MYO5A: variants seen among roughly 807,000 people sequenced by gnomAD.
The protein encoded by MYO5A is unconventional myosin-Va.
Under a neutral mutation model 249.7 loss-of-function variants are expected in MYO5A, and 98 were observed. That is an observed-to-expected ratio of 0.39 (90% CI 0.33 to 0.46). The LOEUF is 0.46. Ranked by LOEUF, MYO5A falls within the 20% of genes least tolerant of loss-of-function variation. The probability of loss-of-function intolerance (pLI) is 0.98; values close to 1 mark genes in which losing one functional copy is unlikely to be tolerated. For synonymous variants in MYO5A, 778 were observed against 810.6 expected (o/e 0.96, Z 0.68); for missense variants, 1,696 against 2,308.8 (o/e 0.73, Z 5.44).
intron 11 of MYO5A, among the ~76,000 whole-genome samples, chr15:52,394,195 A>G (rs540684602): frequency 2.0e-5 from 3 of 152,294 alleles, no homozygotes; most frequent in Non-Finnish European, 4.4e-5. Flanking sequence ...CAATCAAGTT[A>G]TTTATACTGT....
chr15:52,452,540 C>T (rs2076040591), intron 1 of MYO5A, among the ~76,000 whole-genome samples: 1 of 152,174 alleles, frequency 6.6e-6, no homozygotes, highest in Admixed American at 6.5e-5. Flanking sequence ...CTCTTAAACT[C>T]AGAGGAGACT....
chr15:52,390,991 T>C (rs772697708), intron 12 of MYO5A, among the ~76,000 whole-genome samples: 2 of 152,208 alleles, frequency 1.3e-5, no homozygotes, highest in Non-Finnish European at 2.9e-5. Context: ...ATTTTTTTGT[T>C]ATTACTATGA....
intron 34 of MYO5A, among the ~76,000 whole-genome samples, chr15:52,334,265 A>C (rs1596305628): frequency 6.6e-6 from 1 of 152,344 alleles, no homozygotes. Flanking sequence ...AAATTTACTA[A>C]AGTATGGCAA....
chr15:52,364,797 ATTTTAC>A, intron 23 of MYO5A, 95 bp from the exon 24 acceptor site: 1 of 1,457,814 alleles, frequency 6.9e-7, no homozygotes, highest in South Asian at 1.2e-5. Context: ...TCTGTAGGCA[ATTTTAC>A]TTTTAGTATC....
chr15:52,526,321 C>G (rs1380147238), intron 1 of MYO5A, among the ~76,000 whole-genome samples: 1 of 152,158 alleles, frequency 6.6e-6, no homozygotes, highest in African/African-American at 2.4e-5. Flanking sequence ...CCTCAGCTCT[C>G]GAGTAGCTGG....
Position 52,313,491 on chromosome 15 carries a change from C to T in MYO5A, c.*205G>A, listed in dbSNP as rs1373645922. On this transcript the variant is annotated 3_prime_UTR_variant, in exon 42 of 42. Transcript: ENST00000399233. ...CCTAGTTGGTTAAGGATGAGTGTTG[C>T]TATAAAGATAACACAGCACGAAAGA... 1.3e-5 allele frequency: 8 copies of T among 636,100 alleles called. No homozygotes were observed. Among genetic ancestry groups the T allele is most frequent in the African/African-American group, 3.7e-5 (2 of 54,536 alleles). 39.4% of individuals were successfully genotyped at this position (636,100 alleles called of 1,614,324 possible).
Position 52,383,025 on chromosome 15 carries a change from G to T in MYO5A, c.2012+66C>A. 11 of 1,338,922 alleles carry T rather than the reference G, an allele frequency of 8.2e-6. No homozygotes were observed. The South Asian group carries it at 1.2e-4, about 14-fold the overall frequency. The allele number at this position is 1,338,922 out of a possible 1,614,324, so 82.9% of individuals were successfully genotyped here. On this transcript the variant is annotated intron_variant, in intron 16 of 41. Transcript: ENST00000399233. ...AAAAATGTAAGGAAAATATTAGTTTGCTTGGCTGGTTTGGCACTTCTTATA... is the reference window on the plus strand; with the variant it reads ...AAAAATGTAAGGAAAATATTAGTTTTCTTGGCTGGTTTGGCACTTCTTATA...
At chr15:52,405,429 T>A in intron 8 of MYO5A, 36 bp from the exon 9 acceptor site, 1 of 1,469,998 alleles carries the variant, frequency 6.8e-7, no homozygotes, top group Non-Finnish European at 9.5e-7. Flanking sequence ...GTGATTAATT[T>A]CAGAATAGAA....
chr15:52,335,516 CAAAAAAAAA>C (rs397854139), intron 34 of MYO5A, among the ~76,000 whole-genome samples: 6 of 64,054 alleles, frequency 9.4e-5, no homozygotes, highest in Non-Finnish European at 2.0e-4. Context: ...ACTCTGTCTC[CAAAAAAAAA>C]AAAAAAAAAA....
At chr15:52,528,932 G>C (rs1401285650), upstream of MYO5A, 1 of 812,800 alleles carries the variant, frequency 1.2e-6, no homozygotes. Context: ...GGGCCGGGCG[G>C]GGAGGGCCGC....
At chr15:52,316,220 C>T (rs987214203) in intron 40 of MYO5A, among the ~76,000 whole-genome samples, 1 of 110,946 alleles carries the variant, frequency 9.0e-6, no homozygotes, top group African/African-American at 3.7e-5. Context: ...GGCGACACAG[C>T]GAGACTCCGT....
At chr15:52,385,203 CAGTTCTTCTAA>C (rs1347186478) in intron 14 of MYO5A, among the ~76,000 whole-genome samples, 2 of 152,098 alleles carry the variant, frequency 1.3e-5, no homozygotes, top group Admixed American at 6.5e-5. Flanking sequence ...TAAATAAAAC[CAGTTCTTCTAA>C]TTAGTCAAGC....
chr15:52,334,461 G>A (rs895346284), intron 34 of MYO5A, among the ~76,000 whole-genome samples: 1 of 152,172 alleles, frequency 6.6e-6, no homozygotes, highest in African/African-American at 2.4e-5. Flanking sequence ...ATGTGTGTGT[G>A]AGTGTGTGAT....
chr15:52,525,845 C>G (rs1194203885), intron 1 of MYO5A, among the ~76,000 whole-genome samples: 1 of 152,190 alleles, frequency 6.6e-6, no homozygotes, highest in East Asian at 1.9e-4. Context: ...AGCTGTCTGC[C>G]TGCTGTTGAG....
At chr15:52,362,276 C>G (rs1434561001) in intron 24 of MYO5A, among the ~76,000 whole-genome samples, 1 of 152,186 alleles carries the variant, frequency 6.6e-6, no homozygotes, top group Non-Finnish European at 1.5e-5. Context: ...CATATGACGA[C>G]TCTGTTTACA....
At chr15:52,378,627 A>T (rs2141117369) in intron 18 of MYO5A, among the ~76,000 whole-genome samples, 1 of 150,840 alleles carries the variant, frequency 6.6e-6, no homozygotes, top group Non-Finnish European at 1.5e-5. Flanking sequence ...AAAAAATATT[A>T]TTAACAAAAA....
intron 10 of MYO5A, among the ~76,000 whole-genome samples, chr15:52,396,971 T>G (rs767894840): frequency 9.2e-5 from 14 of 152,266 alleles, no homozygotes; most frequent in Non-Finnish European, 1.9e-4. Flanking sequence ...ATTAAGTCTA[T>G]GCACTAGCTA....
intron 21 of MYO5A, 88 bp downstream of exon 21, chr15:52,372,036 G>A (rs1257175175): frequency 6.3e-7 from 1 of 1,590,796 alleles, no homozygotes; most frequent in African/African-American, 1.3e-5. Flanking sequence ...AGACCGAAGG[G>A]TAAAGTCAAA....
chr15:52,345,219 A>G (rs1020508636), intron 30 of MYO5A, among the ~76,000 whole-genome samples: 8 of 152,134 alleles, frequency 5.3e-5, no homozygotes, highest in African/African-American at 1.9e-4. Context: ...ATACCTAAAA[A>G]CTTGTAATAT....
Sources: allele counts gnomAD v4.1 joint callset (sites outside exome capture counted in the v4.1 genomes callset), GRCh38; gene constraint gnomAD v4.1.1; transcripts MANE v1.5; gene names NCBI Gene and HGNC (gene_info 2026-07-23, HGNC 2026-07-21).